Variants in TTC7A observed in about 807,000 individuals in gnomAD.
TTC7A encodes the protein tetratricopeptide repeat protein 7A.
TTC7A carries 110 observed loss-of-function variants against 103.7 expected under a neutral mutation model. That is an observed-to-expected ratio of 1.06 (90% CI 0.91 to 1.24). TTC7A has a LOEUF of 1.24. Among genes scored for constraint, TTC7A ranks in the 50% most tolerant of loss-of-function variants. The pLI, the probability that TTC7A is intolerant of heterozygous loss-of-function variation, is 0.00. For synonymous variants in TTC7A, 521 were observed against 467.9 expected (o/e 1.11, Z -1.47); for missense variants, 1,340 against 1,116.3 (o/e 1.20, Z -2.86).
chr2:47,038,637 ACCCTC>A (rs1681405224), intron 15 of TTC7A, among the ~76,000 whole-genome samples: 1 of 51,228 alleles, frequency 2.0e-5, no homozygotes, highest in Non-Finnish European at 3.6e-5. Flanking sequence ...CTTCCCACCC[ACCCTC>A]CCCCCACCCA....
intron 19 of TTC7A, among the ~76,000 whole-genome samples, chr2:47,061,469 C>A (rs940005013): frequency 3.3e-5 from 5 of 152,148 alleles, no homozygotes; most frequent in Non-Finnish European, 7.3e-5. Context: ...CATGTCAGAC[C>A]TGTCTCAAGC....
At chr2:46,999,610 C>G (rs1676584268) in intron 8 of TTC7A, 4 of 985,470 alleles carry the variant, frequency 4.1e-6, no homozygotes, top group Non-Finnish European at 4.8e-6. Context: ...GGAGGAAACC[C>G]TGGTCCCCAA....
chr2:47,017,977 A>G (rs555170738), intron 11 of TTC7A, among the ~76,000 whole-genome samples: 1 of 152,276 alleles, frequency 6.6e-6, no homozygotes, highest in South Asian at 2.1e-4. Flanking sequence ...TAATTGATAT[A>G]CATATATATA....
rs1338817544 is a variant in TTC7A, at chr2:47,007,683, G to A, written c.1287+959G>A. Among the ~76,000 whole-genome samples, 1 of 152,208 alleles carries A rather than the reference G, an allele frequency of 6.6e-6. No homozygotes were observed. The highest frequency in any genetic ancestry group is 1.9e-4 in the East Asian group (1 of 5,176). On this transcript the variant is annotated intron_variant, in intron 10 of 19. Transcript: ENST00000319190. This position sits in a 1 kb window ranked among gnomAD's most constrained non-coding sequence, Gnocchi z 4.9. ...GGCAGCCGAGGCAGGCCAGGCCCTG[G>A]CAGGGAGGGGGAAGAGGAGCAGGTG...
At chr2:46,980,018 G>A (rs1228779967) in intron 5 of TTC7A, among the ~76,000 whole-genome samples, 4 of 152,230 alleles carry the variant, frequency 2.6e-5, no homozygotes, top group African/African-American at 9.6e-5. Flanking sequence ...ACCAAGGTCA[G>A]GGTCACACAG....
chr2:47,037,334 C>T (rs937327263), intron 15 of TTC7A, among the ~76,000 whole-genome samples: 1 of 152,224 alleles, frequency 6.6e-6, no homozygotes. Flanking sequence ...GTGGACTCTC[C>T]AGCTGCTAGA....
At chr2:47,016,157 C>T (rs749956382) in intron 11 of TTC7A, among the ~76,000 whole-genome samples, 3 of 151,972 alleles carry the variant, frequency 2.0e-5, no homozygotes, top group Admixed American at 6.5e-5. Context: ...GGACCAAATT[C>T]GAAACACTGG....
At chr2:46,983,281 G>A (rs1255555835) in intron 5 of TTC7A, among the ~76,000 whole-genome samples, 1 of 152,184 alleles carries the variant, frequency 6.6e-6, no homozygotes, top group Non-Finnish European at 1.5e-5. Flanking sequence ...GGCTGAGGAC[G>A]GCCCGGGGCA....
rs746805242 is a variant in TTC7A, at chr2:46,994,410, C to T, written c.897C>T (p.Cys299=). 4.3e-6 allele frequency: 7 copies of T among 1,613,894 alleles called. No individual in the cohort carries two copies. The Admixed American group carries it at 1.0e-4, about 23-fold the overall frequency. The part of the protein sequence containing the change: ...GVLLHSLSEE[C]YWSPLSHPLP... The stretch of plus-strand genomic sequence containing the variant: ...TGCTGCACTCCCTGAGTGAGGAGTG[C>T]TACTGGAGCCCCCTGTCCCACCCTC... Residue 299 remains cysteine (C), a synonymous_variant, in exon 7 of 20, where the codon TGC becomes TGT. Transcript: ENST00000319190.
At chr2:47,024,800 T>G (rs768607176) in intron 14 of TTC7A, among the ~76,000 whole-genome samples, 2 of 152,122 alleles carry the variant, frequency 1.3e-5, no homozygotes, top group Non-Finnish European at 2.9e-5. Flanking sequence ...AGGCCTTGGC[T>G]TCTGGGGCCC....
intron 18 of TTC7A, among the ~76,000 whole-genome samples, chr2:47,056,574 C>T (rs1485092022): frequency 6.6e-6 from 1 of 152,212 alleles, no homozygotes; most frequent in East Asian, 1.9e-4. Context: ...GGGAGAGCCT[C>T]GGCTTTGGCA....
intron 13 of TTC7A, among the ~76,000 whole-genome samples, chr2:47,023,781 G>T (rs566774028): frequency 6.6e-6 from 1 of 152,100 alleles, no homozygotes; most frequent in Non-Finnish European, 1.5e-5. Flanking sequence ...AAAGCACCTT[G>T]CACAGTATCC....
chr2:47,000,595 C>T (rs1467541817), intron 8 of TTC7A, among the ~76,000 whole-genome samples: 1 of 152,152 alleles, frequency 6.6e-6, no homozygotes, highest in Non-Finnish European at 1.5e-5. Context: ...GGACTGGCAG[C>T]TCGAGAGCCA....
At chr2:46,933,607 C>A (rs1669821221) in intron 2 of TTC7A, among the ~76,000 whole-genome samples, 1 of 152,130 alleles carries the variant, frequency 6.6e-6, no homozygotes, top group Non-Finnish European at 1.5e-5. Flanking sequence ...ATACCATGGG[C>A]AGGATGTGCT....
chr2:46,936,778 A>G (rs1670000351), upstream of TTC7A, among the ~76,000 whole-genome samples: 1 of 152,232 alleles, frequency 6.6e-6, no homozygotes, highest in African/African-American at 2.4e-5. Flanking sequence ...TAGAATGCAA[A>G]GTGAACACAA....
Position 46,994,487 on chromosome 2 carries a change from G to A in TTC7A, c.974G>A (p.Arg325Gln), listed in dbSNP as rs144971707. The change falls in exon 7 of 20, where the codon CGG becomes CAG. Residue 325 changes from arginine to glutamine, a missense_variant. By Grantham distance (43) the Arg-to-Gln change is conservative. Transcript: ENST00000319190. ...AGTTCTTTCGCCACTCAGGCCCTGC[G>A]GAAACCTCACCTCTATGAAGGAGAC... ...EESSFATQAL[R>Q]KPHLYEGDNL... The A allele has an allele frequency of 1.6e-4, 256 of 1,613,902 alleles. No homozygotes were observed. The African/African-American group carries it at 1.7e-3, about 11-fold the overall frequency.
chr2:47,026,843 G>C (rs904654191), intron 14 of TTC7A, among the ~76,000 whole-genome samples: 2 of 152,206 alleles, frequency 1.3e-5, no homozygotes, highest in African/African-American at 4.8e-5. Flanking sequence ...GCTCAGAGAG[G>C]TGAGTCCTCT....
At chr2:46,992,669 C>A (rs868181118) in intron 5 of TTC7A, among the ~76,000 whole-genome samples, 5 of 152,156 alleles carry the variant, frequency 3.3e-5, no homozygotes, top group South Asian at 2.1e-4. Context: ...CACTAGACCC[C>A]CAAGGCGCAG....
chr2:47,004,644 G>A (rs1316409242), intron 8 of TTC7A, among the ~76,000 whole-genome samples: 1 of 152,092 alleles, frequency 6.6e-6, no homozygotes, highest in Non-Finnish European at 1.5e-5. Flanking sequence ...ATGCAGGAGA[G>A]AGCCCCATTT....
Sources: allele counts gnomAD v4.1 joint callset (sites outside exome capture counted in the v4.1 genomes callset), GRCh38; gene constraint gnomAD v4.1.1; non-coding constraint Gnocchi (gnomAD v3.1); transcripts MANE v1.5; gene names NCBI Gene and HGNC (gene_info 2026-07-23, HGNC 2026-07-21).